Variants in HMCN2 observed in about 807,000 individuals in gnomAD.
HMCN2 encodes hemicentin-2.
HMCN2 carries 325 observed loss-of-function variants against 377.5 expected under a neutral mutation model. The observed-to-expected ratio is 0.86, with a 90% confidence interval of 0.79 to 0.94. HMCN2 has a LOEUF of 0.94. Among genes scored for constraint, HMCN2 ranks in the 40% least tolerant of loss-of-function variants. The pLI is 0.00. For missense variants in HMCN2, 4,543 were observed against 4,725.3 expected (o/e 0.96, Z 1.13); for synonymous variants, 2,007 against 2,046.8 (o/e 0.98, Z 0.53).
intron 4 of HMCN2, among the ~76,000 whole-genome samples, chr9:130,293,973 G>C (rs1328194668): frequency 6.6e-6 from 1 of 152,168 alleles, no homozygotes; most frequent in Non-Finnish European, 1.5e-5. Context: ...GGCATGTATG[G>C]GTGGGGGCTG....
intron 58 of HMCN2, 44 bp downstream of exon 58, chr9:130,384,578 G>A (rs1026088292): frequency 6.9e-6 from 9 of 1,303,646 alleles, no homozygotes; most frequent in Non-Finnish European, 9.1e-6. Flanking sequence ...GGTTACATGG[G>A]GAGAGAGTTG....
intron 40 of HMCN2, among the ~76,000 whole-genome samples, chr9:130,363,664 A>C (rs1408646879): frequency 1.3e-5 from 2 of 152,046 alleles, no homozygotes; most frequent in Non-Finnish European, 2.9e-5. Context: ...TCTACTAAAA[A>C]TACAAAAAAT....
intron 71 of HMCN2, 81 bp from the exon 72 acceptor site, chr9:130,395,843 C>T (rs561427316): frequency 4.4e-5 from 53 of 1,216,222 alleles, no homozygotes; most frequent in East Asian, 5.8e-5. Context: ...ACCAGTTCCT[C>T]AGTCTTCCAC....
intron 65 of HMCN2, 59 bp downstream of exon 65, chr9:130,391,633 C>T (rs762161332): frequency 1.6e-5 from 16 of 985,206 alleles, no homozygotes; most frequent in Admixed American, 1.2e-4. Context: ...GGAGATAAGG[C>T]GACATGTGAG....
rs990292778 is a variant in HMCN2, at chr9:130,392,945, G to A, written c.10137-267G>A. 5.3e-5 allele frequency among the ~76,000 whole-genome samples: 8 copies of A among 151,752 alleles called. No homozygotes were observed. The East Asian group carries it at 7.7e-4, about 15-fold the overall frequency. On this transcript the variant is annotated intron_variant, in intron 66 of 97. Transcript: ENST00000683500. ...CGGGAGGCGGAGCTTGCAGTGAGCC[G>A]AGATCGTGCCACTGCACTCCAGCCT...
chr9:130,279,310 C>G (rs1014468182), intron 1 of HMCN2, among the ~76,000 whole-genome samples: 5 of 152,080 alleles, frequency 3.3e-5, no homozygotes, highest in Non-Finnish European at 7.4e-5. Flanking sequence ...GTTTCCACAT[C>G]TTTAGAAAGG....
chr9:130,374,269 T>C (rs533824177), intron 48 of HMCN2, among the ~76,000 whole-genome samples: 257 of 152,268 alleles, frequency 1.7e-3, no homozygotes, highest in African/African-American at 5.9e-3. Context: ...ATACCTTGTT[T>C]TTCTGTCTTG....
chr9:130,319,015 A>C (rs1330885428), intron 15 of HMCN2, among the ~76,000 whole-genome samples: 1 of 152,132 alleles, frequency 6.6e-6, no homozygotes, highest in Non-Finnish European at 1.5e-5. Context: ...GGCTTAGGCC[A>C]GGGGCTTAAG....
intron 81 of HMCN2, 65 bp from the exon 82 acceptor site, chr9:130,405,890 C>T (rs1843064931): frequency 8.6e-7 from 1 of 1,164,724 alleles, no homozygotes; most frequent in Admixed American, 2.5e-5. Flanking sequence ...CTTCAAGGGT[C>T]AGGGGCATCC....
rs548988338 is a variant in HMCN2, at chr9:130,349,215, A to G, written c.4303+84A>G. Reference sequence around the variant, plus strand: ...TTGCAGGCACACCGGGGGAGAGGGTAGACTTTGCCTGCGGAGAGCAGGGGG... The same window carrying G: ...TTGCAGGCACACCGGGGGAGAGGGTGGACTTTGCCTGCGGAGAGCAGGGGG... On this transcript the variant is annotated intron_variant, in intron 28 of 97. Coordinates refer to ENST00000683500, the MANE Select transcript of HMCN2 (RefSeq NM_001291815.2). The G allele has an allele frequency of 7.3e-6, 9 of 1,233,210 alleles. No homozygotes were observed. The African/African-American group carries it at 1.4e-4, about 19-fold the overall frequency. The allele number at this position is 1,233,210 out of a possible 1,614,324, so 76.4% of individuals were successfully genotyped here. A position where few individuals can be genotyped will look rare whatever the true frequency, so the allele number is the denominator to read the frequency against.
chr9:130,413,853 T>C (rs1843545684), intron 85 of HMCN2, among the ~76,000 whole-genome samples: 1 of 152,098 alleles, frequency 6.6e-6, no homozygotes, highest in Admixed American at 6.5e-5. Context: ...AACTTGTAAA[T>C]AACAACCCCT....
rs1488869578 is a variant in HMCN2 at position 130,307,497 on chromosome 9, G to A, written c.2131G>A (p.Val711Ile). The change falls in exon 14 of 98, where the codon GTT becomes ATT. Residue 711 changes from valine (V) to isoleucine (I), a missense_variant. Transcript: ENST00000683500. Reference sequence around the variant, plus strand: ...TGTAAATGCCGTGGTGCTGGTGGCCGTTGGGGAGGAGGCTGTGTTGGTGTG... The same window carrying A: ...TGTAAATGCCGTGGTGCTGGTGGCCATTGGGGAGGAGGCTGTGTTGGTGTG... The part of the protein sequence containing the change: ...SAVNAVVLVA[V>I]GEEAVLVCEA... 1.3e-5 allele frequency: 6 copies of A among 471,060 alleles called. No individual in the cohort carries two copies. The highest frequency in any genetic ancestry group is 6.9e-5 in the East Asian group (1 of 14,410). 29.2% of individuals were successfully genotyped at this position (471,060 alleles called of 1,614,324 possible). A position where few individuals can be genotyped will look rare whatever the true frequency, so the allele number is the denominator to read the frequency against.
intron 15 of HMCN2, among the ~76,000 whole-genome samples, chr9:130,315,098 T>C (rs892664210): frequency 4.6e-5 from 7 of 151,508 alleles, no homozygotes; most frequent in African/African-American, 9.7e-5. Flanking sequence ...GAGCGCCTCC[T>C]GCAGGGGGTC....
chr9:130,429,357 C>T, intron 93 of HMCN2, 200 bp from the exon 94 acceptor site: 1 of 636,440 alleles, frequency 1.6e-6, no homozygotes, highest in East Asian at 2.9e-5. Flanking sequence ...CCCTTCCTTT[C>T]TCTGGGACCT....
Position 130,288,592 on chromosome 9 carries a change from C to T in HMCN2, c.612+2282C>T, listed in dbSNP as rs143297651. Among the ~76,000 whole-genome samples the T allele has an allele frequency of 3.3e-4, 51 of 152,314 alleles. 1 individual carries two copies. In the South Asian group the frequency reaches 7.5e-3, roughly 22 times the overall value. On this transcript the variant is annotated intron_variant, in intron 4 of 97. Coordinates refer to ENST00000683500, the MANE Select transcript of HMCN2 (RefSeq NM_001291815.2). Reference sequence around the variant, plus strand: ...AAGTTGCAAAAGGCTCCAAACTATGCGTGTGTCATTAATCCTTTTACCTCT... The same window carrying T: ...AAGTTGCAAAAGGCTCCAAACTATGTGTGTGTCATTAATCCTTTTACCTCT...
At chr9:130,327,078 G>A (rs1257476079) in intron 21 of HMCN2, among the ~76,000 whole-genome samples, 3 of 151,980 alleles carry the variant, frequency 2.0e-5, no homozygotes, top group African/African-American at 4.8e-5. Context: ...TCAGAGCAAG[G>A]TGGTGGTGGG....
chr9:130,373,212 C>T (rs1253212530), intron 48 of HMCN2, 88 bp downstream of exon 48: 8 of 335,310 alleles, frequency 2.4e-5, no homozygotes, highest in Non-Finnish European at 3.4e-5. Context: ...TGCCCACCTG[C>T]CCCAGCCCCA....
At chr9:130,397,699 G>A (rs1005535750) in intron 74 of HMCN2, 44 bp downstream of exon 74, 2 of 1,280,482 alleles carry the variant, frequency 1.6e-6, no homozygotes, top group Non-Finnish European at 2.0e-6. Flanking sequence ...TCCCTGTCGG[G>A]GTCCAGTCCT....
rs1442314028 is a variant in HMCN2, at chr9:130,349,538, C to T, written c.4305C>T (p.Thr1435=). 1 of 1,302,390 alleles carries T rather than the reference C, an allele frequency of 7.7e-7. No individual in the cohort carries two copies. Among genetic ancestry groups the T allele is most frequent in the African/African-American group, 1.5e-5 (1 of 65,820 alleles). 80.7% of individuals were successfully genotyped at this position (1,302,390 alleles called of 1,614,324 possible). A position where few individuals can be genotyped will look rare whatever the true frequency, so the allele number is the denominator to read the frequency against. Residue 1435 remains threonine, a splice_region_variant and synonymous_variant, in exon 29 of 98, where the codon ACC becomes ACT. Coordinates refer to ENST00000683500, the MANE Select transcript of HMCN2 (RefSeq NM_001291815.2). Reference sequence around the variant, plus strand: ...CCCCTCACGCCTTCTCACCCCCAGCCCCTCCTTCCGTGCTTGGAGCCGGGG... The same window carrying T: ...CCCCTCACGCCTTCTCACCCCCAGCTCCTCCTTCCGTGCTTGGAGCCGGGG... ...AQRDFHLLVL[T]PPSVLGAGAA... is the part of the protein sequence containing the mutation.
Sources: gnomAD v4.1 joint callset for allele counts (sites outside exome capture counted in the v4.1 genomes callset) on GRCh38, gnomAD v4.1.1 for gene constraint, MANE v1.5 for transcripts, NCBI Gene and HGNC (gene_info 2026-07-23, HGNC 2026-07-21) for gene names.